The following ALDH5A1 variants were observed in gnomAD, a reference collection of about 807,000 sequenced individuals.
The protein encoded by ALDH5A1 is aldehyde dehydrogenase 5 family member A1, also known as succinate-semialdehyde dehydrogenase, mitochondrial.
ALDH5A1 carries 33 observed loss-of-function variants against 54.7 expected under a neutral mutation model. That is an observed-to-expected ratio of 0.60 (90% CI 0.46 to 0.81). The LOEUF is 0.81. Among genes scored for constraint, ALDH5A1 ranks in the 30% least tolerant of loss-of-function variants. ALDH5A1 has a pLI of 0.00. For synonymous variants in ALDH5A1, 294 were observed against 292.7 expected (o/e 1.00, Z -0.05); for missense variants, 657 against 711.0 (o/e 0.92, Z 0.86).
In ALDH5A1 at chr6:24,533,848, T is replaced by A; in HGVS notation, c.*136T>A. 1 of 860,832 alleles carries A rather than the reference T, an allele frequency of 1.2e-6. No individual in the cohort carries two copies. The highest frequency in any genetic ancestry group is 1.8e-6 in the Non-Finnish European group (1 of 557,762). The allele number at this position is 860,832 out of a possible 1,614,324, so 53.3% of individuals were successfully genotyped here. ...AGAACTCATCCAGTCCTTGTAATCTTAAACAGATGCAAATCCTACCCCTGC... is the reference window on the plus strand; with the variant it reads ...AGAACTCATCCAGTCCTTGTAATCTAAAACAGATGCAAATCCTACCCCTGC... On this transcript the variant is annotated 3_prime_UTR_variant, in exon 10 of 10. Coordinates refer to ENST00000357578, the MANE Select transcript of ALDH5A1 (RefSeq NM_001080.3).
At chr6:24,500,709 GT>G (rs1008454529) in intron 1 of ALDH5A1, among the ~76,000 whole-genome samples, 1 of 150,904 alleles carries the variant, frequency 6.6e-6, no homozygotes, top group African/African-American at 2.4e-5. Context: ...CCTTTGTATG[GT>G]AAAATTAAAG....
intron 8 of ALDH5A1, among the ~76,000 whole-genome samples, chr6:24,531,827 T>A (rs1043768093): frequency 4.6e-5 from 7 of 152,168 alleles, no homozygotes; most frequent in Non-Finnish European, 8.8e-5. Flanking sequence ...CCTTTTTTTT[T>A]AAAGGGATTT....
chr6:24,520,568 G>T (rs774959793), intron 6 of ALDH5A1, 24 bp downstream of exon 6: 4 of 1,613,396 alleles, frequency 2.5e-6, no homozygotes, highest in Non-Finnish European at 3.4e-6. Flanking sequence ...AGTATTTCAG[G>T]ATGTGTGTTT....
intron 1 of ALDH5A1, among the ~76,000 whole-genome samples, chr6:24,499,991 T>TGTGTGG (rs70974910): frequency 6.6e-6 from 1 of 151,918 alleles, no homozygotes; most frequent in Admixed American, 6.5e-5. Flanking sequence ...TGTGTGTGTG[T>TGTGTGG]AGAGACAGAT....
rs1444627161 is a variant in ALDH5A1, at chr6:24,532,279, T to A, written c.1402+102T>A. ...CACCCTGGGTTTTGAGACAGAAACT[T>A]CAATGAGGTATGTGTTTTGTTGCTT... is the stretch of plus-strand genomic sequence containing the variant. On this transcript the variant is annotated intron_variant, in intron 9 of 9. Transcript: ENST00000357578. The A allele has an allele frequency of 4.7e-5, 54 of 1,154,014 alleles. No homozygotes were observed. The East Asian group carries it at 1.2e-3, about 26-fold the overall frequency. The allele number at this position is 1,154,014 out of a possible 1,614,324, so 71.5% of individuals were successfully genotyped here.
chr6:24,532,485 C>T (rs1759956395), intron 9 of ALDH5A1, among the ~76,000 whole-genome samples: 1 of 152,134 alleles, frequency 6.6e-6, no homozygotes, highest in Non-Finnish European at 1.5e-5. Flanking sequence ...GAGGCTTAAT[C>T]CCCAGAAATT....
chr6:24,501,893 A>ATG lies in ALDH5A1; in HGVS notation c.355-629_355-628insGT, dbSNP rs1491067885. 3.8e-4 allele frequency among the ~76,000 whole-genome samples: 48 copies of ATG among 125,050 alleles called. 1 individual carries two copies. In the East Asian group the frequency reaches 4.8e-3, roughly 13 times the overall value. 82.0% of individuals were successfully genotyped at this position (125,050 alleles called of 152,430 possible). A position where few individuals can be genotyped will look rare whatever the true frequency, so the allele number is the denominator to read the frequency against. ...CAATGTTTTATATATATATATATAT[A>ATG]TATGTGTGTGTGTGTGTGTGGGTGT... On this transcript the variant is annotated intron_variant, in intron 1 of 9. Transcript: ENST00000357578.
chr6:24,515,234 A>G lies in ALDH5A1; in HGVS notation c.794A>G (p.Lys265Arg). The change falls in exon 5 of 10, where the codon AAG becomes AGG. Residue 265 changes from lysine to arginine, a missense_variant. Around this residue, in one of 2 missense-constraint regions of ALDH5A1, gnomAD observed 425 missense variants for 516.4 expected, o/e 0.82. Coordinates refer to ENST00000357578, the MANE Select transcript of ALDH5A1 (RefSeq NM_001080.3). ...NVIPCSRKNA[K>R]EVGEAICTDP... ...ATTCCCTGTTCTCGAAAGAATGCCA[A>G]GGAAGTAGGGGAGGCAATTTGTACT... 6.2e-7 allele frequency: 1 copy of G among 1,613,870 alleles called. No individual in the cohort carries two copies. Among genetic ancestry groups the G allele is most frequent in the Non-Finnish European group, 8.5e-7 (1 of 1,179,972 alleles).
intron 5 of ALDH5A1, 35 bp from the exon 6 acceptor site, chr6:24,520,366 T>G (rs370530663): frequency 6.1e-5 from 98 of 1,613,054 alleles, no homozygotes; most frequent in Non-Finnish European, 7.6e-5. Flanking sequence ...GGTAATGGAT[T>G]TCTGTGCTCA....
chr6:24,505,517 G>A (rs1759321750), intron 4 of ALDH5A1, among the ~76,000 whole-genome samples: 2 of 151,774 alleles, frequency 1.3e-5, no homozygotes, highest in Admixed American at 1.3e-4. Flanking sequence ...TCTGGCCCCT[G>A]CCGCTTTCCA....
At chr6:24,507,890 C>A (rs564008634) in intron 4 of ALDH5A1, among the ~76,000 whole-genome samples, 1 of 152,180 alleles carries the variant, frequency 6.6e-6, no homozygotes, top group Admixed American at 6.5e-5. Context: ...ATCACCTGAG[C>A]AGTATATACT....
At chr6:24,524,491 T>C (rs1214376003) in intron 7 of ALDH5A1, among the ~76,000 whole-genome samples, 1 of 152,072 alleles carries the variant, frequency 6.6e-6, no homozygotes, top group Admixed American at 6.5e-5. Context: ...TTCCTCAACC[T>C]CCTCAGAGCC....
intron 9 of ALDH5A1, 90 bp from the exon 10 acceptor site, chr6:24,533,416 AC>A (rs1242019242): frequency 1.4e-6 from 2 of 1,399,422 alleles, no homozygotes; most frequent in African/African-American, 1.4e-5. Context: ...AAGTGGCTGG[AC>A]AAAAAGTCAT....
At position 24,507,112 on chromosome 6, in the gene ALDH5A1, C is replaced by T. The variant is rs556601058; in HGVS notation, c.726+2127C>T. Among the ~76,000 whole-genome samples the T allele has an allele frequency of 2.7e-4, 41 of 152,334 alleles. 1 individual carries two copies. The highest frequency in any genetic ancestry group is 1.3e-4 in the Admixed American group (2 of 15,304). ...ACATGCTCTACTCTCTCCAGTTTAA[C>T]CCTCCTTTAGACTTAGTTGAACAAG... On this transcript the variant is annotated intron_variant, in intron 4 of 9. Coordinates refer to ENST00000357578, the MANE Select transcript of ALDH5A1 (RefSeq NM_001080.3).
intron 5 of ALDH5A1, 139 bp from the exon 6 acceptor site, chr6:24,520,262 C>T (rs891449257): frequency 4.8e-5 from 46 of 948,884 alleles, no homozygotes; most frequent in Non-Finnish European, 6.6e-5. Context: ...CTTATTTCTC[C>T]GTTTTCTTAT....
At chr6:24,502,005 C>G (rs181276119) in intron 1 of ALDH5A1, among the ~76,000 whole-genome samples, 1 of 151,578 alleles carries the variant, frequency 6.6e-6, no homozygotes, top group East Asian at 1.9e-4. Flanking sequence ...GAAGAGACTT[C>G]TTATAAAGGA....
intron 6 of ALDH5A1, among the ~76,000 whole-genome samples, chr6:24,521,771 C>T (rs1255194949): frequency 6.6e-6 from 1 of 151,538 alleles, no homozygotes; most frequent in Non-Finnish European, 1.5e-5. Flanking sequence ...GTAATCCCAG[C>T]ATTTTGGGAG....
Position 24,536,927 on chromosome 6 carries a change from C to T in ALDH5A1, c.*3215C>T, listed in dbSNP as rs1760062508. Reference sequence around the variant, plus strand: ...ATGAACTTGAAATTGTGCCACATGACTTTTTCCTCTAAAAACTGGATCCTA... The same window carrying T: ...ATGAACTTGAAATTGTGCCACATGATTTTTTCCTCTAAAAACTGGATCCTA... On this transcript the variant is annotated 3_prime_UTR_variant, in exon 10 of 10. Coordinates refer to ENST00000357578, the MANE Select transcript of ALDH5A1 (RefSeq NM_001080.3). The T allele has an allele frequency of 6.6e-6, 1 of 152,604 alleles. No homozygotes were observed. Among genetic ancestry groups the T allele is most frequent in the Non-Finnish European group, 1.5e-5 (1 of 68,026 alleles). 9.5% of individuals were successfully genotyped at this position (152,604 alleles called of 1,614,324 possible).
At position 24,512,998 on chromosome 6, in the gene ALDH5A1, G is replaced by T. The variant is rs1037227122; in HGVS notation, c.727-2169G>T. Among the ~76,000 whole-genome samples the T allele has an allele frequency of 7.9e-5, 12 of 152,042 alleles. No individual in the cohort carries two copies. The East Asian group carries it at 1.4e-3, about 17-fold the overall frequency. ...AGCCACCGCACCTGGCCCAGTTTGG[G>T]TCTGTTTTGTGGGCATGTCTTTCTG... On this transcript the variant is annotated intron_variant, in intron 4 of 9. Coordinates refer to ENST00000357578, the MANE Select transcript of ALDH5A1 (RefSeq NM_001080.3).
Sources: allele counts gnomAD v4.1 joint callset (sites outside exome capture counted in the v4.1 genomes callset), GRCh38; gene constraint gnomAD v4.1.1; regional missense constraint gnomAD v4.1.1; transcripts MANE v1.5; gene names NCBI Gene and HGNC (gene_info 2026-07-23, HGNC 2026-07-21).